IQCE: variants seen among roughly 807,000 people sequenced by gnomAD.
IQCE encodes the protein IQ motif containing E.
Under a neutral mutation model 96.0 loss-of-function variants are expected in IQCE, and 115 were observed. That is an observed-to-expected ratio of 1.20 (90% CI 1.03 to 1.40). The LOEUF is 1.40. Among genes scored for constraint, IQCE ranks in the 40% most tolerant of loss-of-function variants. IQCE has a pLI of 0.00. For missense variants in IQCE, 1,041 were observed against 909.1 expected (o/e 1.15, Z -1.87); for synonymous variants, 412 against 371.2 (o/e 1.11, Z -1.26).
rs1000557311 is a variant in IQCE at position 2,610,286 on chromosome 7, C to T, written c.*124C>T. On this transcript the variant is annotated 3_prime_UTR_variant, in exon 22 of 22. Transcript: ENST00000402050. ...TACCTACTTAACACCTCAGCATCTG[C>T]GTCGTGTCTCTTTGTGCTTTTGTTT... The T allele has an allele frequency of 2.0e-5, 14 of 683,080 alleles. No individual in the cohort carries two copies. The highest frequency in any genetic ancestry group is 2.9e-5 in the Non-Finnish European group (11 of 375,560). The allele number at this position is 683,080 out of a possible 1,614,324, so 42.3% of individuals were successfully genotyped here. A position where few individuals can be genotyped will look rare whatever the true frequency, so the allele number is the denominator to read the frequency against.
chr7:2,559,984 C>T lies in IQCE; in HGVS notation c.36+767C>T, dbSNP rs935300387. Among the ~76,000 whole-genome samples the T allele has an allele frequency of 1.2e-4, 18 of 152,200 alleles. No homozygotes were observed. In the East Asian group the frequency reaches 2.9e-3, roughly 25 times the overall value. On this transcript the variant is annotated intron_variant, in intron 1 of 21. Transcript: ENST00000402050. ...GACCAGCCTGGGCAACATCGCAAGA[C>T]CCCATCTCTACAAAAAACCATCACA...
chr7:2,561,418 A>C (rs1387917767), intron 1 of IQCE, among the ~76,000 whole-genome samples: 1 of 151,174 alleles, frequency 6.6e-6, no homozygotes, highest in Non-Finnish European at 1.5e-5. Flanking sequence ...TAATATATAC[A>C]ATAATTTTTT....
Position 2,583,704 on chromosome 7 carries a change from G to T in IQCE, c.769G>T (p.Glu257Ter), listed in dbSNP as rs770873677. The T allele has an allele frequency of 6.5e-7, 1 of 1,527,566 alleles. No individual in the cohort carries two copies. The highest frequency in any genetic ancestry group is 8.9e-7 in the Non-Finnish European group (1 of 1,128,740). The allele number at this position is 1,527,566 out of a possible 1,614,324, so 94.6% of individuals were successfully genotyped here. ...GCGGATCGCCATGGAGACATACTAC[G>T]AGGAGGTGCGCCGTGCTGGGCGGCG... ...EMRIAMETYYEEVHRLQTLLA... is the reference protein window; with the variant it reads ...EMRIAMETYY The change falls in exon 10 of 22, where the codon GAG (glutamate) becomes TAG (stop). Residue 257 changes from glutamate (E) to a stop codon, truncating the protein, a stop_gained. Transcript: ENST00000402050. LOFTEE classifies it high-confidence loss of function.
At position 2,592,028 on chromosome 7, in the gene IQCE, G is replaced by A. The variant is rs981192121; in HGVS notation, c.1245-994G>A. 1.4e-4 allele frequency among the ~76,000 whole-genome samples: 21 copies of A among 145,480 alleles called. No homozygotes were observed. The East Asian group carries it at 3.8e-3, about 26-fold the overall frequency. On this transcript the variant is annotated intron_variant, in intron 14 of 21. Coordinates refer to ENST00000402050, the MANE Select transcript of IQCE (RefSeq NM_152558.5). ...ATTACAGGCGTGAGCCACCGCACCCGGGCCTGCCTCGGCCTCCCAAAGTGC... is the reference window on the plus strand; with the variant it reads ...ATTACAGGCGTGAGCCACCGCACCCAGGCCTGCCTCGGCCTCCCAAAGTGC...
intron 2 of IQCE, among the ~76,000 whole-genome samples, chr7:2,567,750 G>A (rs1008905865): frequency 3.3e-5 from 5 of 152,236 alleles, no homozygotes; most frequent in Non-Finnish European, 7.3e-5. Flanking sequence ...CAAACCTGCA[G>A]CCAGCAGAAC....
intron 1 of IQCE, among the ~76,000 whole-genome samples, chr7:2,562,302 A>AT (rs1554301261): frequency 5.3e-5 from 8 of 151,520 alleles, no homozygotes; most frequent in African/African-American, 1.2e-4. Flanking sequence ...ATATATATAT[A>AT]AAATCCTTTT....
intron 6 of IQCE, among the ~76,000 whole-genome samples, chr7:2,577,873 A>G (rs1351705207): frequency 8.7e-6 from 1 of 114,500 alleles, no homozygotes; most frequent in Non-Finnish European, 1.8e-5. Flanking sequence ...GCGCGCGGGG[A>G]CGTGTGTGCG....
At chr7:2,601,360 T>G in intron 17 of IQCE, 81 bp from the exon 18 acceptor site, 1 of 975,976 alleles carries the variant, frequency 1.0e-6, no homozygotes, top group Non-Finnish European at 1.6e-6. Context: ...TGGACACCTG[T>G]TGGCAAGATG....
At chr7:2,595,398 C>T (rs1473487678) in intron 16 of IQCE, among the ~76,000 whole-genome samples, 1 of 152,152 alleles carries the variant, frequency 6.6e-6, no homozygotes, top group Non-Finnish European at 1.5e-5. Flanking sequence ...CCTCAGCGGG[C>T]ACTGCCCTCT....
rs779089337 is a variant in IQCE at position 2,559,188 on chromosome 7, C to T, written c.7C>T (p.Leu3=). 8.2e-6 allele frequency: 10 copies of T among 1,216,266 alleles called. No homozygotes were observed. In the African/African-American group the frequency reaches 1.6e-4, roughly 19 times the overall value. 75.3% of individuals were successfully genotyped at this position (1,216,266 alleles called of 1,614,324 possible). The part of the protein sequence containing the change: MF[L]GTGEPALDTG... ...GCCGGGCAGCGCCGCCACCATGTTC[C>T]TGGGCACCGGGGAGCCGGCCTTGGA... Residue 3 remains leucine, a synonymous_variant, in exon 1 of 22, where the codon CTG becomes TTG. Coordinates refer to ENST00000402050, the MANE Select transcript of IQCE (RefSeq NM_152558.5).
chr7:2,572,085 C>CT (rs1448650195), intron 4 of IQCE, 107 bp from the exon 5 acceptor site: 4 of 1,220,882 alleles, frequency 3.3e-6, no homozygotes, highest in African/African-American at 3.0e-5. Flanking sequence ...CGGCTGGCGT[C>CT]TATCAGTGAT....
intron 6 of IQCE, 139 bp from the exon 7 acceptor site, chr7:2,578,103 C>G: frequency 1.6e-6 from 1 of 639,008 alleles, no homozygotes; most frequent in Non-Finnish European, 2.8e-6. Flanking sequence ...CGCGCAGTGG[C>G]GTGTGCGTGG....
At chr7:2,609,726 G>A (rs1014203634) in intron 21 of IQCE, among the ~76,000 whole-genome samples, 18 of 151,248 alleles carry the variant, frequency 1.2e-4, no homozygotes, top group Non-Finnish European at 1.9e-4. Context: ...TGAGGCTGGA[G>A]AGTGAGGCTT....
chr7:2,586,405 C>G, intron 12 of IQCE, 34 bp downstream of exon 12: 1 of 100,814 alleles, frequency 9.9e-6, no homozygotes. Context: ...GGAGGGAGGC[C>G]AGGGAATGGC....
At chr7:2,568,868 C>T in intron 2 of IQCE, 86 bp from the exon 3 acceptor site, 1 of 1,285,718 alleles carries the variant, frequency 7.8e-7, no homozygotes, top group Non-Finnish European at 1.1e-6. Context: ...TTACACGACC[C>T]CTGACCCTTT....
intron 12 of IQCE, among the ~76,000 whole-genome samples, chr7:2,586,696 G>A (rs1425982088): frequency 6.6e-6 from 1 of 152,188 alleles, no homozygotes; most frequent in African/African-American, 2.4e-5. Flanking sequence ...GGTGAGGCAG[G>A]TGGTGTGTGC....
chr7:2,589,639 C>A (rs923735177), intron 13 of IQCE, among the ~76,000 whole-genome samples: 1 of 152,114 alleles, frequency 6.6e-6, no homozygotes, highest in Non-Finnish European at 1.5e-5. Context: ...CTCGTGCCCT[C>A]CTCTCTGTTT....
chr7:2,605,070 G>C (rs1354134499), intron 19 of IQCE, 79 bp downstream of exon 19: 1 of 1,037,846 alleles, frequency 9.6e-7, no homozygotes, highest in Non-Finnish European at 1.5e-6. Flanking sequence ...AGAAAGCGTA[G>C]GGCACCCCTC....
At chr7:2,601,779 A>C in intron 18 of IQCE, 1 of 307,990 alleles carries the variant, frequency 3.2e-6, no homozygotes, top group Non-Finnish European at 6.1e-6. Flanking sequence ...CCAACTCCTG[A>C]CCTTAGGTGA....
Sources: allele counts gnomAD v4.1 joint callset (sites outside exome capture counted in the v4.1 genomes callset), GRCh38; gene constraint gnomAD v4.1.1; transcripts MANE v1.5; gene names NCBI Gene and HGNC (gene_info 2026-07-23, HGNC 2026-07-21).